Variants in GP5 observed in about 807,000 individuals in gnomAD.
GP5 encodes the protein platelet glycoprotein V.
For missense variants in GP5, 755 were observed against 737.1 expected (o/e 1.02, Z -0.28); for synonymous variants, 382 against 353.9 (o/e 1.08, Z -0.89).
At position 194,397,372 on chromosome 3, in the gene GP5, G is replaced by A; in HGVS notation, c.911C>T (p.Thr304Ile). 2 of 1,608,804 alleles carry A rather than the reference G, an allele frequency of 1.2e-6. No individual in the cohort carries two copies. The highest frequency in any genetic ancestry group is 1.7e-6 in the Non-Finnish European group (2 of 1,179,120). The stretch of plus-strand genomic sequence containing the variant: ...GTTGCGGAAGGCGGCGGCGGGCAGG[G>A]TGCGCAGCTGGGTGCGGTTCAGCCA... ...ELWLNRTQLR[T>I]LPAAAFRNLS... The change falls in exon 2 of 2, where the codon ACC becomes ATC. Residue 304 changes from threonine (T) to isoleucine (I), a missense_variant. Coordinates refer to ENST00000692618, the MANE Select transcript of GP5 (RefSeq NM_004488.2). This position sits in a 1 kb window ranked among gnomAD's most constrained non-coding sequence, Gnocchi z 7.2.
chr3:194,398,625 T>C (rs1485729398), intron 1 of GP5, among the ~76,000 whole-genome samples: 1 of 152,242 alleles, frequency 6.6e-6, no homozygotes, highest in Non-Finnish European at 1.5e-5. Flanking sequence ...CAATGTCCAT[T>C]GTGAAAACGG....
rs904951541 is a variant in GP5 at position 194,397,560 on chromosome 3, G to A, written c.723C>T (p.Leu241=). 5 of 1,614,168 alleles carry A rather than the reference G, an allele frequency of 3.1e-6. No individual in the cohort carries two copies. The highest frequency in any genetic ancestry group is 4.2e-6 in the Non-Finnish European group (5 of 1,180,026). The change falls in exon 2 of 2, where the codon CTC becomes CTT. Residue 241 remains leucine, a synonymous_variant. Coordinates refer to ENST00000692618, the MANE Select transcript of GP5 (RefSeq NM_004488.2). The surrounding 1 kb of genome is among the most constrained non-coding windows in gnomAD (Gnocchi z 7.2). ...RSIAPGAFDR[L]PNLSSLTLSR... ...AAAGCGTCAAAGAACTGAGGTTTGG[G>A]AGCCGGTCGAAGGCCCCGGGTGCGA... is the stretch of plus-strand genomic sequence containing the variant.
rs1714501681 is a variant in GP5 at position 194,397,613 on chromosome 3, G to T, written c.670C>A (p.Gln224Lys). Residue 224 changes from glutamine to lysine, a missense_variant, in exon 2 of 2, where the codon CAG becomes AAG. Gln to Lys is a moderately conservative substitution (Grantham distance 53). Transcript: ENST00000692618. This position sits in a 1 kb window ranked among gnomAD's most constrained non-coding sequence, Gnocchi z 7.2. ...GAACGGATGTGATTTCGGTGGAACT[G>T]CAGCTCCGTCAGGGCGCCCAGGCTG... ...LNSLGALTELQFHRNHIRSIA... is the reference protein window; with the variant it reads ...LNSLGALTELKFHRNHIRSIA... 1 of 1,614,130 alleles carries T rather than the reference G, an allele frequency of 6.2e-7. No individual in the cohort carries two copies. Among genetic ancestry groups the T allele is most frequent in the Non-Finnish European group, 8.5e-7 (1 of 1,179,986 alleles).
Position 194,398,275 on chromosome 3 carries a change from C to T in GP5, c.8G>A (p.Arg3Lys), listed in dbSNP as rs1714521986. MLRGTLLCAVLGL... is the reference protein window; with the variant it reads MLKGTLLCAVLGL... ...GAGCACCGCGCACAGTAGAGTCCCCCTCAGCATGTCTGAAAAAGCAACCGT... is the reference window on the plus strand; with the variant it reads ...GAGCACCGCGCACAGTAGAGTCCCCTTCAGCATGTCTGAAAAAGCAACCGT... Residue 3 changes from arginine (R) to lysine (K), a missense_variant, in exon 2 of 2, where the codon AGG becomes AAG. Physicochemically the swap from Arg to Lys is conservative, Grantham distance 26. Coordinates refer to ENST00000692618, the MANE Select transcript of GP5 (RefSeq NM_004488.2). 6.3e-7 allele frequency: 1 copy of T among 1,595,682 alleles called. No homozygotes were observed. The highest frequency in any genetic ancestry group is 8.6e-7 in the Non-Finnish European group (1 of 1,169,238).
In GP5 at chr3:194,396,776, G is replaced by A. The variant is rs779262531; in HGVS notation, c.1507C>T (p.Pro503Ser). ...GTCACCGGCTGGGCCCACACCCAGG[G>A]TTCTGAGCTGTTGGGAGCCAAGGCT... Reference protein sequence around the residue: ...HPALAPNSSEPWVWAQPVTTG... With the variant: ...HPALAPNSSESWVWAQPVTTG... The change falls in exon 2 of 2, where the codon CCC becomes TCC. Residue 503 changes from proline (P) to serine (S), a missense_variant. By Grantham distance (74) the Pro-to-Ser change is moderately conservative (BLOSUM62 -1). Transcript: ENST00000692618. 19 of 1,613,812 alleles carry A rather than the reference G, an allele frequency of 1.2e-5. No homozygotes were observed. The highest frequency in any genetic ancestry group is 2.2e-5 in the East Asian group (1 of 44,864).
chr3:194,398,063 T>A lies in GP5; in HGVS notation c.220A>T (p.Thr74Ser). The A allele has an allele frequency of 6.2e-7, 1 of 1,613,898 alleles. No individual in the cohort carries two copies. Among genetic ancestry groups the A allele is most frequent in the Non-Finnish European group, 8.5e-7 (1 of 1,179,916 alleles). Residue 74 changes from threonine to serine, a missense_variant, in exon 2 of 2, where the codon ACC becomes TCC. By Grantham distance (58) the Thr-to-Ser change is moderately conservative. Transcript: ENST00000692618. ...VLQSQSFSGM[T>S]VLQRLMISDS... ...GAGATCATGAGGCGCTGCAGGACGG[T>A]CATGCCGCTGAAGCTCTGGCTCTGC...
In GP5 at chr3:194,394,992, C is replaced by T. The variant is rs552673554; in HGVS notation, c.*1608G>A. ...AGCTCTTCTTTAGAAATCATGATGC[C>T]AATAATAATTGCTCATCCTTTAGTA... On this transcript the variant is annotated 3_prime_UTR_variant, in exon 2 of 2. Coordinates refer to ENST00000692618, the MANE Select transcript of GP5 (RefSeq NM_004488.2). 7 of 152,298 alleles carry T rather than the reference C, an allele frequency of 4.6e-5. No homozygotes were observed. Among genetic ancestry groups the T allele is most frequent in the Admixed American group, 1.3e-4 (2 of 15,304 alleles). The allele number at this position is 152,298 out of a possible 1,614,324, so 9.4% of individuals were successfully genotyped here. A position where few individuals can be genotyped will look rare whatever the true frequency, so the allele number is the denominator to read the frequency against.
Position 194,398,215 on chromosome 3 carries a change from G to C in GP5, c.68C>G (p.Pro23Arg). Reference protein sequence around the residue: ...LLRAQPFPCPPACKCVFRDAA... With the variant: ...LLRAQPFPCPRACKCVFRDAA... ...GTCCCGGAAGACACACTTGCAAGCT[G>C]GCGGACAGGGGAAGGGCTGGGCGCG... Residue 23 changes from proline to arginine, a missense_variant, in exon 2 of 2, where the codon CCA becomes CGA. Transcript: ENST00000692618. 1 of 1,612,490 alleles carries C rather than the reference G, an allele frequency of 6.2e-7. No homozygotes were observed. Among genetic ancestry groups the C allele is most frequent in the Non-Finnish European group, 8.5e-7 (1 of 1,179,512 alleles).
chr3:194,396,367 G>A lies in GP5; in HGVS notation c.*233C>T, dbSNP rs1457559599. On this transcript the variant is annotated 3_prime_UTR_variant, in exon 2 of 2. Transcript: ENST00000692618. ...CCACAGTTTACAAACGTCAAGCTCA[G>A]TTTCCAGGAACGGGCGGGGGACACA... 1 of 466,986 alleles carries A rather than the reference G, an allele frequency of 2.1e-6. No individual in the cohort carries two copies. Among genetic ancestry groups the A allele is most frequent in the African/African-American group, 2.0e-5 (1 of 51,172 alleles). 28.9% of individuals were successfully genotyped at this position (466,986 alleles called of 1,614,324 possible). A position where few individuals can be genotyped will look rare whatever the true frequency, so the allele number is the denominator to read the frequency against.
rs1268621563 is a variant in GP5 at position 194,397,721 on chromosome 3, C to A, written c.562G>T (p.Gly188Trp). 1 of 1,613,896 alleles carries A rather than the reference C, an allele frequency of 6.2e-7. No individual in the cohort carries two copies. Among genetic ancestry groups the A allele is most frequent in the Admixed American group, 1.7e-5 (1 of 60,016 alleles). ...AGCTTAGCCTGTGCTCCAAGCAACC[C>A]CTTGGGCAGGTGGGTCAGGTTGTTT... ...SGNNLTHLPK[G>W]LLGAQAKLER... The change falls in exon 2 of 2, where the codon GGG (glycine) becomes TGG (tryptophan). Residue 188 changes from glycine to tryptophan, a missense_variant. Gly to Trp is a radical substitution (Grantham distance 184). Coordinates refer to ENST00000692618, the MANE Select transcript of GP5 (RefSeq NM_004488.2). This position sits in a 1 kb window ranked among gnomAD's most constrained non-coding sequence, Gnocchi z 7.2.
chr3:194,396,747 C>T lies in GP5; in HGVS notation c.1536G>A (p.Thr512=). 6.2e-7 allele frequency: 1 copy of T among 1,614,022 alleles called. No individual in the cohort carries two copies. The highest frequency in any genetic ancestry group is 1.1e-5 in the South Asian group (1 of 91,056). ...EPWVWAQPVT[T]GKGQDHSPFW... Reference sequence around the variant, plus strand: ...ACGGACTATGATCTTGACCTTTGCCCGTGGTCACCGGCTGGGCCCACACCC... The same window carrying T: ...ACGGACTATGATCTTGACCTTTGCCTGTGGTCACCGGCTGGGCCCACACCC... Residue 512 remains threonine, a synonymous_variant, in exon 2 of 2, where the codon ACG becomes ACA. Transcript: ENST00000692618.
At position 194,395,176 on chromosome 3, in the gene GP5, G is replaced by T. The variant is rs1714422666; in HGVS notation, c.*1424C>A. The T allele has an allele frequency of 1.3e-5, 2 of 152,216 alleles. No homozygotes were observed. Among genetic ancestry groups the T allele is most frequent in the South Asian group, 4.1e-4 (2 of 4,824 alleles). The allele number at this position is 152,216 out of a possible 1,614,324, so 9.4% of individuals were successfully genotyped here. A position where few individuals can be genotyped will look rare whatever the true frequency, so the allele number is the denominator to read the frequency against. ...ACCAAGGCTTAGAGAATGTAAGCAG[G>T]TGTCTTACCCAAAGTCCCATGCAGT... On this transcript the variant is annotated 3_prime_UTR_variant, in exon 2 of 2. Coordinates refer to ENST00000692618, the MANE Select transcript of GP5 (RefSeq NM_004488.2).
At position 194,397,020 on chromosome 3, in the gene GP5, G is replaced by C; in HGVS notation, c.1263C>G (p.Asn421Lys). ...CCAGGCCACAGTCGCAGCGCCAGGA[G>C]TTGTGCCCCAACAGGACCTCCGTCA... ...PRLTEVLLGH[N>K]SWRCDCGLGP... is the part of the protein sequence containing the mutation. The change falls in exon 2 of 2, where the codon AAC becomes AAG. Residue 421 changes from asparagine to lysine, a missense_variant. Transcript: ENST00000692618. This position sits in a 1 kb window ranked among gnomAD's most constrained non-coding sequence, Gnocchi z 7.2. 1 of 1,597,646 alleles carries C rather than the reference G, an allele frequency of 6.3e-7. No individual in the cohort carries two copies. The highest frequency in any genetic ancestry group is 8.5e-7 in the Non-Finnish European group (1 of 1,178,636).
chr3:194,397,438 G>T lies in GP5; in HGVS notation c.845C>A (p.Pro282Gln), dbSNP rs1185401352. 15 of 1,613,350 alleles carry T rather than the reference G, an allele frequency of 9.3e-6. No homozygotes were observed. Among genetic ancestry groups the T allele is most frequent in the Non-Finnish European group, 1.3e-5 (15 of 1,179,934 alleles). ...CCCCATCTCCCCGAAGAGCACCCCC[G>T]GGAGCTCTGCCAGCGGGTTCTCGAA... ...TLFENPLAEL[P>Q]GVLFGEMGGL... The change falls in exon 2 of 2, where the codon CCG (proline) becomes CAG (glutamine). Residue 282 changes from proline (P) to glutamine (Q), a missense_variant. Coordinates refer to ENST00000692618, the MANE Select transcript of GP5 (RefSeq NM_004488.2). This position sits in a 1 kb window ranked among gnomAD's most constrained non-coding sequence, Gnocchi z 7.2.
In GP5 at chr3:194,397,664, C is replaced by A; in HGVS notation, c.619G>T (p.Val207Leu). 6.2e-7 allele frequency: 1 copy of A among 1,614,168 alleles called. No individual in the cohort carries two copies. Among genetic ancestry groups the A allele is most frequent in the South Asian group, 1.1e-5 (1 of 91,082 alleles). ...TTCAACAGCCCCGAATCCAGAGACA[C>A]AAGGCGGTTCGAGTGGAGCAGAAGT... ...ERLLLHSNRL[V>L]SLDSGLLNSL... Residue 207 changes from valine (V) to leucine (L), a missense_variant, in exon 2 of 2, where the codon GTG (valine) becomes TTG (leucine). Physicochemically the swap from Val to Leu is conservative, Grantham distance 32. Coordinates refer to ENST00000692618, the MANE Select transcript of GP5 (RefSeq NM_004488.2). The surrounding 1 kb of genome is among the most constrained non-coding windows in gnomAD (Gnocchi z 7.2).
rs745851802 is a variant in GP5 at position 194,397,492 on chromosome 3, T to G, written c.791A>C (p.His264Pro). 4.3e-6 allele frequency: 7 copies of G among 1,613,778 alleles called. No homozygotes were observed. In the East Asian group the frequency reaches 1.6e-4, roughly 36 times the overall value. The change falls in exon 2 of 2, where the codon CAT becomes CCT. Residue 264 changes from histidine (H) to proline (P), a missense_variant. His to Pro is a moderately conservative substitution (Grantham distance 77). Transcript: ENST00000692618. The surrounding 1 kb of genome is among the most constrained non-coding windows in gnomAD (Gnocchi z 7.2). The stretch of plus-strand genomic sequence containing the variant: ...AGTCAACAGAGTCAGATTGTGCGAA[T>G]GAAGAAAGAGCGCAGAGGGGAGAAA... ...LAFLPSALFL[H>P]SHNLTLLTLF...
chr3:194,396,520 G>T lies in GP5; in HGVS notation c.*80C>A. On this transcript the variant is annotated 3_prime_UTR_variant, in exon 2 of 2. Transcript: ENST00000692618. ...AGGAGGAGTGGGGAGGGGAGGGAGA[G>T]CAAGACAGCAGCGGGTCTGGATTCC... 8.6e-7 allele frequency: 1 copy of T among 1,160,786 alleles called. No homozygotes were observed. The highest frequency in any genetic ancestry group is 1.2e-6 in the Non-Finnish European group (1 of 811,916). The allele number at this position is 1,160,786 out of a possible 1,614,324, so 71.9% of individuals were successfully genotyped here. A position where few individuals can be genotyped will look rare whatever the true frequency, so the allele number is the denominator to read the frequency against.
intron 1 of GP5, 83 bp from the exon 2 acceptor site, chr3:194,398,367 A>C: frequency 7.7e-7 from 1 of 1,305,626 alleles, no homozygotes; most frequent in Non-Finnish European, 1.0e-6. Flanking sequence ...CACTTTGTGC[A>C]GAGGCACAAT....
At position 194,396,724 on chromosome 3, in the gene GP5, G is replaced by C. The variant is rs768416144; in HGVS notation, c.1559C>G (p.Pro520Arg). ...AAGCAGAAAATAAAACCCCCAGAAC[G>C]GACTATGATCTTGACCTTTGCCCGT... ...VTTGKGQDHS[P>R]FWGFYFLLLA... The change falls in exon 2 of 2, where the codon CCG becomes CGG. Residue 520 changes from proline to arginine, a missense_variant. Physicochemically the swap from Pro to Arg is moderately radical, Grantham distance 103. Coordinates refer to ENST00000692618, the MANE Select transcript of GP5 (RefSeq NM_004488.2). 4 of 1,614,116 alleles carry C rather than the reference G, an allele frequency of 2.5e-6. No homozygotes were observed. Among genetic ancestry groups the C allele is most frequent in the South Asian group, 2.2e-5 (2 of 91,078 alleles).
Sources: gnomAD v4.1 joint callset for allele counts (sites outside exome capture counted in the v4.1 genomes callset) on GRCh38, gnomAD v4.1.1 for gene constraint, Gnocchi (gnomAD v3.1) non-coding constraint, MANE v1.5 for transcripts, NCBI Gene and HGNC (gene_info 2026-07-23, HGNC 2026-07-21) for gene names.